PTPRG: variants seen among roughly 807,000 people sequenced by gnomAD.
The protein encoded by PTPRG is protein tyrosine phosphatase receptor type G.
A neutral mutation model predicts 165.3 loss-of-function variants in PTPRG; 102 were observed. The ratio of observed to expected loss-of-function variants is 0.62; its 90% confidence interval spans 0.53 to 0.73. PTPRG has a LOEUF of 0.73. Ranked by LOEUF, PTPRG falls within the 30% of genes least tolerant of loss-of-function variation. The pLI is 0.00. For missense variants in PTPRG, 1,866 were observed against 1,861.4 expected (o/e 1.00, Z -0.05); for synonymous variants, 675 against 669.5 (o/e 1.01, Z -0.13).
intron 8 of PTPRG, among the ~76,000 whole-genome samples, chr3:62,184,058 G>T (rs542608375): frequency 6.6e-6 from 1 of 152,126 alleles, no homozygotes; most frequent in African/African-American, 2.4e-5. Flanking sequence ...TCTCACTCTG[G>T]TTCCTTGGCC....
At chr3:61,616,624 C>A (rs533130045) in intron 1 of PTPRG, among the ~76,000 whole-genome samples, 9 of 152,212 alleles carry the variant, frequency 5.9e-5, no homozygotes, top group Non-Finnish European at 1.3e-4. Context: ...CCTCGTCTCA[C>A]TTGGTTACCC....
At chr3:61,698,282 T>TATC (rs780230776) in intron 1 of PTPRG, among the ~76,000 whole-genome samples, 4 of 152,160 alleles carry the variant, frequency 2.6e-5, no homozygotes, top group African/African-American at 2.4e-5. Flanking sequence ...TAATGTTGCT[T>TATC]ATCATCATCA....
chr3:62,261,385 T>C (rs1445321665), intron 16 of PTPRG, among the ~76,000 whole-genome samples: 3 of 152,234 alleles, frequency 2.0e-5, no homozygotes, highest in Admixed American at 6.5e-5. Context: ...TGTTCTTACG[T>C]AGACTGATTT....
intron 2 of PTPRG, among the ~76,000 whole-genome samples, chr3:61,879,051 C>A (rs62243207): frequency 6.6e-6 from 1 of 152,032 alleles, no homozygotes; most frequent in Non-Finnish European, 1.5e-5. Context: ...TATTAAGAAC[C>A]AATATAAATT....
intron 5 of PTPRG, among the ~76,000 whole-genome samples, chr3:62,130,839 C>A (rs1403276314): frequency 6.6e-6 from 1 of 152,126 alleles, no homozygotes; most frequent in Non-Finnish European, 1.5e-5. Context: ...ACGCTTCAGT[C>A]CCTGGCTTGA....
Position 62,255,064 on chromosome 3 carries a change from G to C in PTPRG, c.2468-60G>C, listed in dbSNP as rs998595821. 1 of 1,412,108 alleles carries C rather than the reference G, an allele frequency of 7.1e-7. No individual in the cohort carries two copies. The highest frequency in any genetic ancestry group is 9.9e-7 in the Non-Finnish European group (1 of 1,012,970). 87.5% of individuals were successfully genotyped at this position (1,412,108 alleles called of 1,614,324 possible). A position where few individuals can be genotyped will look rare whatever the true frequency, so the allele number is the denominator to read the frequency against. ...GTCTTAAGGATGCTTTGCTTTATCA[G>C]TGTAATTTGTTTTATGGAAGTATTC... On this transcript the variant is annotated intron_variant, in intron 15 of 29. Transcript: ENST00000474889. The surrounding 1 kb of genome is among the most constrained non-coding windows in gnomAD (Gnocchi z 4.0).
At chr3:61,616,926 C>T (rs972610356) in intron 1 of PTPRG, among the ~76,000 whole-genome samples, 2 of 152,104 alleles carry the variant, frequency 1.3e-5, no homozygotes, top group African/African-American at 2.4e-5. Flanking sequence ...TTTCCACCAT[C>T]GATGCCGGAA....
At chr3:62,081,787 G>A (rs1249522086) in intron 5 of PTPRG, among the ~76,000 whole-genome samples, 3 of 152,176 alleles carry the variant, frequency 2.0e-5, no homozygotes, top group Non-Finnish European at 2.9e-5. Flanking sequence ...CTATAAGAAT[G>A]ATAAATTTGA....
intron 1 of PTPRG, among the ~76,000 whole-genome samples, chr3:61,586,461 C>T (rs1000592722): frequency 6.6e-6 from 1 of 152,170 alleles, no homozygotes; most frequent in African/African-American, 2.4e-5. Context: ...GGTTTTAGAT[C>T]TCATTGCCTT....
In PTPRG at chr3:62,078,156, C is replaced by A; in HGVS notation, c.520-7C>A. On this transcript the variant is annotated splice_region_variant and splice_polypyrimidine_tract_variant and intron_variant, in intron 4 of 29. Transcript: ENST00000474889. ...TTCCTAATACATTTTTTTAATTGTT[C>A]TTACAGATGCAGATTTTCTTTTACA... 6.4e-7 allele frequency: 1 copy of A among 1,566,448 alleles called. No homozygotes were observed. Among genetic ancestry groups the A allele is most frequent in the Non-Finnish European group, 8.7e-7 (1 of 1,146,858 alleles).
intron 4 of PTPRG, among the ~76,000 whole-genome samples, chr3:62,075,976 T>TATGATG (rs768895680): frequency 6.6e-6 from 1 of 151,954 alleles, no homozygotes; most frequent in African/African-American, 2.4e-5. Context: ...AATCTTAAAA[T>TATGATG]ATGATGATGA....
At chr3:62,165,881 CTGTT>C (rs1704953646) in intron 7 of PTPRG, among the ~76,000 whole-genome samples, 1 of 152,146 alleles carries the variant, frequency 6.6e-6, no homozygotes, top group Admixed American at 6.5e-5. Flanking sequence ...TTCTCTGAGG[CTGTT>C]TGAGAAACAG....
intron 2 of PTPRG, among the ~76,000 whole-genome samples, chr3:61,752,291 T>G (rs2033463858): frequency 6.6e-6 from 1 of 152,152 alleles, no homozygotes; most frequent in Non-Finnish European, 1.5e-5. Flanking sequence ...CTGTGTTTTG[T>G]AAAATAAATT....
intron 10 of PTPRG, among the ~76,000 whole-genome samples, chr3:62,199,118 T>C (rs1221386851): frequency 6.6e-6 from 1 of 152,136 alleles, no homozygotes; most frequent in Non-Finnish European, 1.5e-5. Context: ...GTAAAGTAGT[T>C]CCTCCTGGGA....
At chr3:61,805,253 G>C (rs1488016441) in intron 2 of PTPRG, among the ~76,000 whole-genome samples, 1 of 152,134 alleles carries the variant, frequency 6.6e-6, no homozygotes, top group African/African-American at 2.4e-5. Context: ...AGCCTCTAGT[G>C]GGTAGAGGCC....
rs907307491 is a variant in PTPRG, at chr3:62,255,288, C to T, written c.2559+73C>T. Reference sequence around the variant, plus strand: ...TTATGCAGATTTTTGTAAACTTGAACTGAATTCATTCCAAGCATAACAAAA... The same window carrying T: ...TTATGCAGATTTTTGTAAACTTGAATTGAATTCATTCCAAGCATAACAAAA... On this transcript the variant is annotated intron_variant, in intron 16 of 29. Transcript: ENST00000474889. This position sits in a 1 kb window ranked among gnomAD's most constrained non-coding sequence, Gnocchi z 4.0. 1.5e-5 allele frequency: 18 copies of T among 1,175,148 alleles called. No homozygotes were observed. The South Asian group carries it at 2.4e-4, about 16-fold the overall frequency. The allele number at this position is 1,175,148 out of a possible 1,614,324, so 72.8% of individuals were successfully genotyped here.
At chr3:61,969,745 C>T (rs1427339709) in intron 2 of PTPRG, among the ~76,000 whole-genome samples, 2 of 152,118 alleles carry the variant, frequency 1.3e-5, no homozygotes, top group Admixed American at 6.6e-5. Context: ...CTATCAGCTG[C>T]ATATGTCCAA....
chr3:61,999,700 T>C (rs2041125551), intron 3 of PTPRG, among the ~76,000 whole-genome samples: 1 of 152,220 alleles, frequency 6.6e-6, no homozygotes. Flanking sequence ...GAAAACTCTT[T>C]ATCAACACCA....
intron 2 of PTPRG, among the ~76,000 whole-genome samples, chr3:61,945,362 C>A (rs768667709): frequency 2.0e-4 from 30 of 151,924 alleles, no homozygotes; most frequent in Non-Finnish European, 3.8e-4. Flanking sequence ...GAGTTCGAGA[C>A]GAGCCTGGCC....
Sources: gnomAD v4.1 joint callset for allele counts (sites outside exome capture counted in the v4.1 genomes callset) on GRCh38, gnomAD v4.1.1 for gene constraint, Gnocchi (gnomAD v3.1) non-coding constraint, MANE v1.5 for transcripts, NCBI Gene and HGNC (gene_info 2026-07-23, HGNC 2026-07-21) for gene names.